Variants in NOL4L observed in about 807,000 individuals in gnomAD.
NOL4L encodes the protein nucleolar protein 4-like.
In NOL4L, 7 loss-of-function variants were observed where a neutral mutation model predicts 64.5. The ratio of observed to expected loss-of-function variants is 0.11; its 90% CI spans 0.06 to 0.20. The LOEUF is 0.20. Ranked by LOEUF, NOL4L falls within the 10% of genes least tolerant of loss-of-function variation. The pLI is 1.00. For missense variants in NOL4L, 680 were observed against 967.1 expected (o/e 0.70, Z 3.94); for synonymous variants, 413 against 401.0 (o/e 1.03, Z -0.36).
chr20:32,452,789 G>A (rs2013060703), intron 9 of NOL4L, 95 bp downstream of exon 9: 2 of 1,556,484 alleles, frequency 1.3e-6, no homozygotes, highest in South Asian at 1.2e-5. Context: ...TCTCCCGACT[G>A]TACCCATCAC....
intron 4 of NOL4L, among the ~76,000 whole-genome samples, chr20:32,488,761 TCCTTCCTTCCTTCCTTCC>T (rs2016218870): frequency 1.8e-5 from 1 of 54,614 alleles, no homozygotes; most frequent in African/African-American, 1.4e-4. Context: ...CTTCCTTCCT[TCCTTCCTTCCTTCCTTCC>T]TTCCTTCCTT....
intron 1 of NOL4L, among the ~76,000 whole-genome samples, chr20:32,567,781 G>A (rs1490049691): frequency 1.3e-5 from 2 of 152,102 alleles, no homozygotes; most frequent in Non-Finnish European, 2.9e-5. Context: ...CACCCACTGA[G>A]TACTCAATAA....
At chr20:32,487,934 A>ATT (rs36085049) in intron 4 of NOL4L, among the ~76,000 whole-genome samples, 2,257 of 105,930 alleles carry the variant, frequency 0.021, 72 homozygotes, top group African/African-American at 0.074. Context: ...TGTTGGTTTT[A>ATT]TTTTTTTTTT....
chr20:32,499,674 G>A (rs1022279497), intron 4 of NOL4L, among the ~76,000 whole-genome samples: 1 of 146,472 alleles, frequency 6.8e-6, no homozygotes, highest in African/African-American at 2.6e-5. Context: ...GGGCAGCGGA[G>A]GTTGTAGTGA....
At chr20:32,497,206 C>T (rs1242493925) in intron 4 of NOL4L, among the ~76,000 whole-genome samples, 3 of 152,074 alleles carry the variant, frequency 2.0e-5, no homozygotes, top group Non-Finnish European at 2.9e-5. Flanking sequence ...AACCCTCCTG[C>T]ACCCTCCAGG....
intron 1 of NOL4L, chr20:32,537,160 T>C: frequency 4.1e-6 from 4 of 969,384 alleles, no homozygotes; most frequent in Non-Finnish European, 4.9e-6. Flanking sequence ...CCAGGCGCCG[T>C]GCCAAGCCTG....
rs538483739 is a variant in NOL4L, at chr20:32,455,599, G to A, written c.1119+519C>T. ...TGGGGGAGGCCCCAGGAAGCAGGGG[G>A]GATGCCCACTGGTAGGGGTACGTAC... On this transcript the variant is annotated intron_variant, in intron 6 of 10. Transcript: ENST00000621426. Among the ~76,000 whole-genome samples the A allele has an allele frequency of 3.9e-5, 6 of 152,292 alleles. No individual in the cohort carries two copies. The South Asian group carries it at 1.0e-3, about 26-fold the overall frequency.
At chr20:32,575,403 C>G (rs866376349) in intron 1 of NOL4L, among the ~76,000 whole-genome samples, 1 of 152,226 alleles carries the variant, frequency 6.6e-6, no homozygotes, top group Admixed American at 6.5e-5. Flanking sequence ...AGTCCCACCC[C>G]CCGGAATGAG....
At position 32,456,229 on chromosome 20, in the gene NOL4L, A is replaced by G. The variant is rs1600645559; in HGVS notation, c.1008T>C (p.Cys336=). 18 of 1,608,762 alleles carry G rather than the reference A, an allele frequency of 1.1e-5. No individual in the cohort carries two copies. The highest frequency in any genetic ancestry group is 1.4e-5 in the Non-Finnish European group (16 of 1,177,642). Residue 336 remains cysteine, a synonymous_variant, in exon 6 of 11, where the codon TGT becomes TGC. Coordinates refer to ENST00000621426, the MANE Select transcript of NOL4L (RefSeq NM_001256798.2). The part of the protein sequence containing the change: ...TAAEDQPINL[C]DKLPPATALG... ...GTGCCGTGGCCGGCGGGAGCTTGTC[A>G]CACAGGTTGATGGGCTGATCCTCGG... is the stretch of plus-strand genomic sequence containing the variant.
chr20:32,489,489 G>C (rs1256445448), intron 4 of NOL4L, among the ~76,000 whole-genome samples: 8 of 151,892 alleles, frequency 5.3e-5, no homozygotes, highest in Non-Finnish European at 2.9e-5. Context: ...CAAAGTGCTG[G>C]AATTACAGGC....
intron 1 of NOL4L, among the ~76,000 whole-genome samples, chr20:32,530,337 C>G (rs954360398): frequency 6.6e-6 from 1 of 151,840 alleles, no homozygotes; most frequent in Non-Finnish European, 1.5e-5. Context: ...GTCAGGAGAT[C>G]GAGACCATCC....
At chr20:32,545,202 G>A (rs995974659) in intron 1 of NOL4L, among the ~76,000 whole-genome samples, 2 of 152,228 alleles carry the variant, frequency 1.3e-5, no homozygotes, top group Non-Finnish European at 2.9e-5. Flanking sequence ...GAGCCCAGGA[G>A]TTTGAGGCTG....
chr20:32,456,300 T>C lies in NOL4L; in HGVS notation c.937A>G (p.Met313Val), dbSNP rs554478084. The C allele has an allele frequency of 3.4e-5, 53 of 1,580,486 alleles. 1 individual carries two copies. The South Asian group carries it at 5.3e-4, about 16-fold the overall frequency. Residue 313 changes from methionine to valine, a missense_variant, in exon 6 of 11, where the codon ATG becomes GTG. This residue lies in a region of NOL4L where 254 missense variants were observed against 238.7 expected (regional missense o/e 1.06). Coordinates refer to ENST00000621426, the MANE Select transcript of NOL4L (RefSeq NM_001256798.2). ...GGGGCCACGGCGCCGTTGCCATTCA[T>C]CTCGGGGAAGGCAGGGTCGCCCTGC... ...STQGDPAFPE[M>V]NGNGAVAPMD... is the part of the protein sequence containing the mutation.
At chr20:32,509,517 CAAAAAAAAAAAAAA>C (rs71338441) in intron 4 of NOL4L, among the ~76,000 whole-genome samples, 1 of 62,844 alleles carries the variant, frequency 1.6e-5, no homozygotes, top group East Asian at 3.9e-4. Context: ...GACTCTGCCT[CAAAAAAAAAAAAAA>C]AAAAAAAAAG....
At chr20:32,561,491 G>A (rs1326507207) in intron 1 of NOL4L, among the ~76,000 whole-genome samples, 1 of 152,196 alleles carries the variant, frequency 6.6e-6, no homozygotes, top group Non-Finnish European at 1.5e-5. Context: ...ATCTGGGCAG[G>A]GCTGGGCCTC....
chr20:32,458,665 C>T (rs1183391197), intron 5 of NOL4L, among the ~76,000 whole-genome samples: 1 of 152,258 alleles, frequency 6.6e-6, no homozygotes, highest in Non-Finnish European at 1.5e-5. Flanking sequence ...TCACAGGCCA[C>T]TTGCTTGACC....
Position 32,453,528 on chromosome 20 carries a change from C to T in NOL4L, c.1306-33G>A, listed in dbSNP as rs1250829676. ...GACACGGGCCATGGGAAGGGCTGGC[C>T]CTGGCCTTGCCCCCATCCCACCCCA... On this transcript the variant is annotated intron_variant, in intron 7 of 10. Transcript: ENST00000621426. The surrounding 1 kb of genome is among the most constrained non-coding windows in gnomAD (Gnocchi z 5.6). 6.2e-7 allele frequency: 1 copy of T among 1,613,528 alleles called. No individual in the cohort carries two copies. The highest frequency in any genetic ancestry group is 8.5e-7 in the Non-Finnish European group (1 of 1,179,438).
At chr20:32,575,462 T>C (rs778081923) in intron 1 of NOL4L, among the ~76,000 whole-genome samples, 52 of 152,190 alleles carry the variant, frequency 3.4e-4, no homozygotes, top group Non-Finnish European at 6.6e-4. Flanking sequence ...GACTTCAAGG[T>C]CCAGGTGAAA....
chr20:32,480,779 G>GGAGCCGCACACAT (rs1366389180), intron 4 of NOL4L, among the ~76,000 whole-genome samples: 1 of 152,196 alleles, frequency 6.6e-6, no homozygotes, highest in Non-Finnish European at 1.5e-5. Context: ...TTGTTGTGAA[G>GGAGCCGCACACAT]GAGCCGCACA....
Sources: allele counts gnomAD v4.1 joint callset (sites outside exome capture counted in the v4.1 genomes callset), GRCh38; gene constraint gnomAD v4.1.1; regional missense constraint gnomAD v4.1.1; non-coding constraint Gnocchi (gnomAD v3.1); transcripts MANE v1.5; gene names NCBI Gene and HGNC (gene_info 2026-07-23, HGNC 2026-07-21).